SPOCK3: variants seen among roughly 807,000 people sequenced by gnomAD.
SPOCK3 encodes the protein testican-3.
A neutral mutation model predicts 56.6 loss-of-function variants in SPOCK3; 30 were observed. That is an observed-to-expected ratio of 0.53 (90% CI 0.40 to 0.72). The LOEUF (loss-of-function observed/expected upper bound fraction) is 0.72, where lower values mean the gene tolerates loss of function less well. Among genes scored for constraint, SPOCK3 ranks in the 30% least tolerant of loss-of-function variants. The pLI is 0.00. For synonymous variants in SPOCK3, 196 were observed against 183.3 expected, an observed-to-expected ratio of 1.07 and a Z score of -0.56; for missense variants, 527 against 530.0, an observed-to-expected ratio of 0.99 and a Z score of 0.06.
chr4:166,833,721 T>C (rs904581129), intron 6 of SPOCK3, among the ~76,000 whole-genome samples: 3 of 152,188 alleles, frequency 2.0e-5, no homozygotes, highest in Admixed American at 6.5e-5. Flanking sequence ...TCTCCACTAA[T>C]GGCTTATTAG....
At chr4:167,224,791 C>A (rs540948860) in intron 2 of SPOCK3, among the ~76,000 whole-genome samples, 1 of 142,484 alleles carries the variant, frequency 7.0e-6, no homozygotes, top group African/African-American at 2.5e-5. Flanking sequence ...TCCCGAGTAG[C>A]GAGTAGCTGG....
chr4:167,233,839 T>C, intron 2 of SPOCK3, 146 bp downstream of exon 2: 2 of 692,064 alleles, frequency 2.9e-6, no homozygotes, highest in East Asian at 2.7e-5. Flanking sequence ...AACTGTGAAC[T>C]TCTCCAGCAG....
chr4:166,902,073 C>T (rs369511529), intron 5 of SPOCK3, among the ~76,000 whole-genome samples: 2 of 152,130 alleles, frequency 1.3e-5, no homozygotes, highest in Non-Finnish European at 2.9e-5. Context: ...TTGTTCCGTG[C>T]ACTCTTTTCA....
intron 6 of SPOCK3, among the ~76,000 whole-genome samples, chr4:166,877,039 A>T (rs1321355276): frequency 6.6e-6 from 1 of 152,134 alleles, no homozygotes; most frequent in Non-Finnish European, 1.5e-5. Context: ...GGATACACAC[A>T]TCAAAGTTAC....
Position 167,234,155 on chromosome 4 carries a change from C to A in SPOCK3, c.19G>T (p.Val7Leu), listed in dbSNP as rs1249346675. 8.1e-6 allele frequency: 13 copies of A among 1,610,702 alleles called. No homozygotes were observed. The Admixed American group carries it at 1.3e-4, about 17-fold the overall frequency. MLKVSAVLCVCAAAWCS... is the reference protein window; with the variant it reads MLKVSALLCVCAAAWCS... ...CAAGCGGCTGCACACACACACAGTA[C>A]GGCTGACACCTTGAGCATCTGGGAG... Residue 7 changes from valine (V) to leucine (L), a missense_variant, in exon 2 of 11, where the codon GTA becomes TTA. Physicochemically the swap from Val to Leu is conservative, Grantham distance 32 (BLOSUM62 1). Transcript: ENST00000357545.
chr4:166,885,873 C>A (rs1027353249), intron 6 of SPOCK3, among the ~76,000 whole-genome samples: 7 of 152,064 alleles, frequency 4.6e-5, no homozygotes, highest in Admixed American at 4.6e-4. Flanking sequence ...TTAAAATGAT[C>A]TTTTGACTCT....
At chr4:167,014,051 T>C in intron 3 of SPOCK3, among the ~76,000 whole-genome samples, 1 of 152,110 alleles carries the variant, frequency 6.6e-6, no homozygotes, top group East Asian at 1.9e-4. Context: ...TATTTGGCCA[T>C]TATCATTTGA....
intron 4 of SPOCK3, among the ~76,000 whole-genome samples, chr4:166,997,814 G>T (rs1748546817): frequency 6.6e-6 from 1 of 152,172 alleles, no homozygotes; most frequent in African/African-American, 2.4e-5. Flanking sequence ...TCCCCTTGCA[G>T]GAAGAAACAG....
chr4:167,039,672 TA>T (rs1478578835), intron 3 of SPOCK3, among the ~76,000 whole-genome samples: 1 of 3,722 alleles, frequency 2.7e-4, no homozygotes, highest in Non-Finnish European at 5.3e-4. Flanking sequence ...CTCCATTTAC[TA>T]AATAAAAAAA....
intron 5 of SPOCK3, among the ~76,000 whole-genome samples, chr4:166,910,739 T>C (rs1046096528): frequency 9.9e-5 from 15 of 152,172 alleles, no homozygotes; most frequent in African/African-American, 2.9e-4. Flanking sequence ...CTGGGGATGA[T>C]GACACCCTAG....
chr4:166,876,886 T>C (rs954096196), intron 6 of SPOCK3, among the ~76,000 whole-genome samples: 20 of 152,118 alleles, frequency 1.3e-4, no homozygotes, highest in African/African-American at 4.6e-4. Flanking sequence ...AGTTTACATT[T>C]ATTGAAAGGT....
At chr4:167,205,343 A>C (rs13110526) in intron 2 of SPOCK3, among the ~76,000 whole-genome samples, 3 of 32,546 alleles carry the variant, frequency 9.2e-5, no homozygotes, top group Non-Finnish European at 1.4e-4. Flanking sequence ...ATTATATATT[A>C]TATATATAAT....
intron 3 of SPOCK3, among the ~76,000 whole-genome samples, chr4:167,053,481 T>C (rs1360435012): frequency 1.3e-5 from 2 of 152,012 alleles, no homozygotes; most frequent in Non-Finnish European, 2.9e-5. Flanking sequence ...GTTCAAGAGT[T>C]CGAGACCACC....
At chr4:166,982,747 T>A (rs1238213329) in intron 4 of SPOCK3, among the ~76,000 whole-genome samples, 1 of 152,164 alleles carries the variant, frequency 6.6e-6, no homozygotes, top group Middle Eastern at 3.2e-3. Context: ...ACTAAATGAA[T>A]AAAGTTAAAA....
intron 2 of SPOCK3, among the ~76,000 whole-genome samples, chr4:167,080,576 C>T (rs967322828): frequency 2.6e-5 from 4 of 151,976 alleles, no homozygotes; most frequent in Middle Eastern, 6.8e-3. Context: ...GACGTCTAAA[C>T]AGAGTGTTTA....
intron 4 of SPOCK3, among the ~76,000 whole-genome samples, chr4:166,965,829 T>C (rs1489705397): frequency 1.3e-5 from 2 of 152,206 alleles, no homozygotes; most frequent in Non-Finnish European, 2.9e-5. Context: ...TCATAATCAG[T>C]GAAGCCATAT....
chr4:166,897,536 A>T (rs1735520366), intron 5 of SPOCK3, among the ~76,000 whole-genome samples: 1 of 152,188 alleles, frequency 6.6e-6, no homozygotes, highest in African/African-American at 2.4e-5. Flanking sequence ...AAGAACATCA[A>T]ACTATGCCAC....
chr4:166,740,454 G>T (rs1369917724), intron 9 of SPOCK3, among the ~76,000 whole-genome samples: 1 of 150,338 alleles, frequency 6.7e-6, no homozygotes, highest in African/African-American at 2.4e-5. Flanking sequence ...TATGGTACAT[G>T]GCTAAACTTT....
chr4:166,785,337 A>AT (rs1292907123), intron 7 of SPOCK3, among the ~76,000 whole-genome samples: 1 of 152,068 alleles, frequency 6.6e-6, no homozygotes, highest in Non-Finnish European at 1.5e-5. Flanking sequence ...TATAAACTCC[A>AT]TTTTTTAAAG....
Sources: gnomAD v4.1 joint callset for allele counts (sites outside exome capture counted in the v4.1 genomes callset) on GRCh38, gnomAD v4.1.1 for gene constraint, MANE v1.5 for transcripts, NCBI Gene and HGNC (gene_info 2026-07-23, HGNC 2026-07-21) for gene names.